The following RYR2 variants were observed in gnomAD, a reference collection of about 807,000 sequenced individuals.
RYR2 encodes the protein cardiac muscle ryanodine receptor-calcium release channel.
In RYR2, 227 loss-of-function variants were observed where a neutral mutation model predicts 601.1. That is an observed-to-expected ratio of 0.38 (90% CI 0.34 to 0.42). The LOEUF is 0.42. Among genes scored for constraint, RYR2 ranks in the 10% least tolerant of loss-of-function variants. RYR2 has a pLI of 1.00. For synonymous variants in RYR2, 2,223 were observed against 2,175.1 expected, an observed-to-expected ratio of 1.02 and a Z score of -0.61; for missense variants, 4,646 against 6,156.5, an observed-to-expected ratio of 0.75 and a Z score of 8.21.
chr1:237,320,586 T>C (rs1041472147), intron 2 of RYR2, among the ~76,000 whole-genome samples: 1 of 152,208 alleles, frequency 6.6e-6, no homozygotes, highest in African/African-American at 2.4e-5. Flanking sequence ...TTCAGTTCCA[T>C]ATAACATTCC....
chr1:237,445,145 C>A (rs1708217406), intron 13 of RYR2, among the ~76,000 whole-genome samples: 1 of 152,058 alleles, frequency 6.6e-6, no homozygotes, highest in South Asian at 2.1e-4. Flanking sequence ...CCCAGGAGTT[C>A]AAGACCAGCC....
At chr1:237,249,728 T>C (rs74952539) in intron 1 of RYR2, among the ~76,000 whole-genome samples, 6,696 of 152,278 alleles carry the variant, frequency 0.044, 166 homozygotes, top group African/African-American at 0.055. Context: ...TTCTGTTAGT[T>C]GCTTCCTTTA....
intron 29 of RYR2, among the ~76,000 whole-genome samples, chr1:237,573,809 G>A (rs1052780917): frequency 1.3e-5 from 2 of 151,462 alleles, no homozygotes; most frequent in African/African-American, 2.4e-5. Flanking sequence ...GTGAGACTCC[G>A]TCTGAAAAAA....
rs191956639 is a variant in RYR2 at position 237,779,355 on chromosome 1, G to A, written c.11880+585G>A. On this transcript the variant is annotated intron_variant, in intron 88 of 104. Coordinates refer to ENST00000366574, the MANE Select transcript of RYR2 (RefSeq NM_001035.3). Reference sequence around the variant, plus strand: ...AATATCAGCTTGTTTGCTCACTGCTGTATTTGTTTCATTTGAAACAAAAAG... The same window carrying A: ...AATATCAGCTTGTTTGCTCACTGCTATATTTGTTTCATTTGAAACAAAAAG... Among the ~76,000 whole-genome samples, 870 of 152,312 alleles carry A rather than the reference G, an allele frequency of 5.7e-3. 7 individuals are homozygous for A. Among genetic ancestry groups the A allele is most frequent in the Admixed American group, 0.028 (428 of 15,292 alleles).
intron 17 of RYR2, among the ~76,000 whole-genome samples, chr1:237,482,569 G>A (rs2927935): frequency 6.6e-6 from 1 of 151,888 alleles, no homozygotes; most frequent in Non-Finnish European, 1.5e-5. Flanking sequence ...ACTCCATTGT[G>A]TGTATATACT....
intron 3 of RYR2, among the ~76,000 whole-genome samples, chr1:237,346,118 T>G (rs1572674391): frequency 6.6e-6 from 1 of 152,050 alleles, no homozygotes; most frequent in Non-Finnish European, 1.5e-5. Flanking sequence ...ATAATCCCAG[T>G]ACTTTGGGAG....
intron 10 of RYR2, among the ~76,000 whole-genome samples, chr1:237,395,533 CTTTTTTTTTTTTTT>C (rs71180022): frequency 4.0e-4 from 35 of 87,430 alleles, no homozygotes; most frequent in African/African-American, 1.3e-3. Context: ...GTAGGACTGT[CTTTTTTTTTTTTTT>C]TTTTTTTTTT....
chr1:237,346,367 C>CAAAAAAAAAAA (rs397975831), intron 3 of RYR2, among the ~76,000 whole-genome samples: 7 of 62,348 alleles, frequency 1.1e-4, no homozygotes, highest in East Asian at 5.4e-4. Flanking sequence ...GGGTCTACCT[C>CAAAAAAAAAAA]AAAAAAAAAA....
At chr1:237,372,695 T>G (rs568145305) in intron 6 of RYR2, among the ~76,000 whole-genome samples, 4 of 152,228 alleles carry the variant, frequency 2.6e-5, no homozygotes, top group Non-Finnish European at 5.9e-5. Context: ...TTAAGACAAC[T>G]ACTCTCTATA....
Position 237,788,141 on chromosome 1 carries a change from A to G in RYR2, c.13476+6A>G, listed in dbSNP as rs1457866950. On this transcript the variant is annotated splice_donor_region_variant and intron_variant, in intron 92 of 104. Transcript: ENST00000366574. ...CATATCAACAGAAACTTCTAGTAAG[A>G]TGTTTTAGAATGAATATTGTTACTG... 1.9e-6 allele frequency: 3 copies of G among 1,602,626 alleles called. No homozygotes were observed. The African/African-American group carries it at 4.0e-5, about 22-fold the overall frequency.
Position 237,700,217 on chromosome 1 carries a change from T to C in RYR2, c.9129-12T>C. ...GTTGGAAGATACGAGTCCTCCCTTA[T>C]TTACTTTCTAGGACAGTGATGAAGA... is the stretch of plus-strand genomic sequence containing the variant. On this transcript the variant is annotated splice_polypyrimidine_tract_variant and intron_variant, in intron 64 of 104. Transcript: ENST00000366574. 2.0e-6 allele frequency: 3 copies of C among 1,475,912 alleles called. No homozygotes were observed. Among genetic ancestry groups the C allele is most frequent in the Non-Finnish European group, 2.8e-6 (3 of 1,078,492 alleles). 91.4% of individuals were successfully genotyped at this position (1,475,912 alleles called of 1,614,324 possible).
At chr1:237,561,826 A>G (rs1032112269) in intron 27 of RYR2, among the ~76,000 whole-genome samples, 1 of 152,182 alleles carries the variant, frequency 6.6e-6, no homozygotes, top group African/African-American at 2.4e-5. Context: ...TGGAGGGGGC[A>G]GTGCTTGGAG....
chr1:237,729,381 C>T (rs1690483348), intron 76 of RYR2, among the ~76,000 whole-genome samples: 1 of 152,156 alleles, frequency 6.6e-6, no homozygotes, highest in African/African-American at 2.4e-5. Context: ...TGTGCTTTGG[C>T]ATGCCACTCT....
chr1:237,611,562 G>T (rs1375051264), intron 36 of RYR2, among the ~76,000 whole-genome samples: 2 of 152,032 alleles, frequency 1.3e-5, no homozygotes, highest in African/African-American at 4.8e-5. Context: ...ATGATTTTCT[G>T]TTTTTCCATA....
intron 10 of RYR2, among the ~76,000 whole-genome samples, chr1:237,396,110 A>G (rs1295939190): frequency 6.6e-6 from 1 of 152,224 alleles, no homozygotes; most frequent in Non-Finnish European, 1.5e-5. Flanking sequence ...TGTATAGAGA[A>G]TCACCCTTGG....
intron 8 of RYR2, among the ~76,000 whole-genome samples, chr1:237,381,056 C>T (rs561688801): frequency 1.6e-3 from 237 of 151,454 alleles, no homozygotes; most frequent in Middle Eastern, 3.2e-3. Context: ...CCAGCCTGGG[C>T]GACAAGAGTG....
chr1:237,714,458 T>C (rs1018052304), intron 71 of RYR2, among the ~76,000 whole-genome samples: 8 of 151,946 alleles, frequency 5.3e-5, no homozygotes, highest in African/African-American at 1.9e-4. Flanking sequence ...GGAGAGAGGG[T>C]GGAGGAGCCT....
intron 1 of RYR2, among the ~76,000 whole-genome samples, chr1:237,071,882 C>T (rs774009014): frequency 9.2e-5 from 14 of 152,204 alleles, no homozygotes; most frequent in Non-Finnish European, 1.9e-4. Flanking sequence ...GGGGATGAGG[C>T]GGCGGGGGTG....
chr1:237,684,982 C>T (rs893299571), intron 62 of RYR2, among the ~76,000 whole-genome samples: 4 of 150,858 alleles, frequency 2.7e-5, no homozygotes, highest in Non-Finnish European at 4.4e-5. Context: ...AAGAGTTTCA[C>T]GATTTAAGTA....
Sources: allele counts gnomAD v4.1 joint callset (sites outside exome capture counted in the v4.1 genomes callset), GRCh38; gene constraint gnomAD v4.1.1; transcripts MANE v1.5; gene names NCBI Gene and HGNC (gene_info 2026-07-23, HGNC 2026-07-21).